The following MICAL2 variants were observed in gnomAD, a reference collection of about 807,000 sequenced individuals.
The protein encoded by MICAL2 is [F-actin]-monooxygenase MICAL2.
Under a neutral mutation model 127.3 loss-of-function variants are expected in MICAL2, and 77 were observed. That is an observed-to-expected ratio of 0.60 (90% confidence interval 0.50 to 0.73). The LOEUF (loss-of-function observed/expected upper bound fraction) is 0.73, where lower values mean the gene tolerates loss of function less well. Among genes scored for constraint, MICAL2 ranks in the 30% least tolerant of loss-of-function variants. The probability of loss-of-function intolerance (pLI) is 0.00; values close to 1 mark genes in which losing one functional copy is unlikely to be tolerated. For synonymous variants in MICAL2, 570 were observed against 551.1 expected (o/e 1.03, Z -0.48); for missense variants, 1,351 against 1,434.4 (o/e 0.94, Z 0.94).
At chr11:12,324,128 G>A in intron 31 of MICAL2, 4 of 1,569,572 alleles carry the variant, frequency 2.5e-6, no homozygotes, top group Non-Finnish European at 2.6e-6. Flanking sequence ...CTGGGACTCT[G>A]GATGGGAAAG....
At chr11:12,269,002 GA>G (rs1235292304) in intron 24 of MICAL2, among the ~76,000 whole-genome samples, 53 of 146,168 alleles carry the variant, frequency 3.6e-4, no homozygotes, top group Middle Eastern at 3.5e-3. Flanking sequence ...CGTCTCAAAG[GA>G]AAAAAAAAAA....
At chr11:12,326,579 C>T (rs1368901576) in intron 31 of MICAL2, among the ~76,000 whole-genome samples, 1 of 152,104 alleles carries the variant, frequency 6.6e-6, no homozygotes, top group Admixed American at 6.6e-5. Flanking sequence ...AGTACACTTC[C>T]ACAATGAAAG....
chr11:12,204,594 T>A, intron 4 of MICAL2, 137 bp downstream of exon 4: 2 of 814,898 alleles, frequency 2.5e-6, no homozygotes, highest in Non-Finnish European at 3.8e-6. Context: ...AACAGACAAC[T>A]AGTAAAAGGC....
At chr11:12,242,817 A>G (rs775309208) in intron 20 of MICAL2, 45 bp downstream of exon 20, 2 of 1,437,376 alleles carry the variant, frequency 1.4e-6, no homozygotes, top group Non-Finnish European at 1.9e-6. Context: ...GATGCTGGAC[A>G]TCCAGCCAGG....
chr11:12,305,328 G>A (rs182113332), intron 29 of MICAL2, among the ~76,000 whole-genome samples: 10 of 152,194 alleles, frequency 6.6e-5, no homozygotes, highest in South Asian at 2.1e-4. Context: ...ATCATATCTC[G>A]TGAGAATTCA....
intron 17 of MICAL2, among the ~76,000 whole-genome samples, chr11:12,240,645 C>A (rs1480599636): frequency 6.6e-6 from 1 of 152,188 alleles, no homozygotes; most frequent in Non-Finnish European, 1.5e-5. Context: ...TCAGAAGCAC[C>A]GGAGCGTCCC....
chr11:12,232,077 G>T (rs2134384197), intron 15 of MICAL2, among the ~76,000 whole-genome samples: 1 of 152,360 alleles, frequency 6.6e-6, no homozygotes, highest in African/African-American at 2.4e-5. Context: ...TCAAATGCGT[G>T]TGGCAGGTCT....
downstream of MICAL2, among the ~76,000 whole-genome samples, chr11:12,290,993 C>T (rs758639227): frequency 1.1e-4 from 16 of 152,102 alleles, no homozygotes; most frequent in Non-Finnish European, 1.3e-4. Context: ...GATTGTGTTG[C>T]GCTAAGAAGT....
intron 15 of MICAL2, among the ~76,000 whole-genome samples, chr11:12,230,512 A>G (rs1406026591): frequency 6.6e-6 from 1 of 152,174 alleles, no homozygotes; most frequent in East Asian, 1.9e-4. Flanking sequence ...ATACAGGTGC[A>G]TCCGTATTTG....
At chr11:12,300,967 A>G (rs1864039656) in intron 29 of MICAL2, among the ~76,000 whole-genome samples, 1 of 152,222 alleles carries the variant, frequency 6.6e-6, no homozygotes, top group Admixed American at 6.5e-5. Context: ...GCTGATAAAG[A>G]CATACTCGAG....
chr11:12,357,042 C>T (rs1939140142), intron 34 of MICAL2, among the ~76,000 whole-genome samples: 1 of 152,206 alleles, frequency 6.6e-6, no homozygotes, highest in African/African-American at 2.4e-5. Flanking sequence ...TAACCCTCTG[C>T]CCCTCCTGCC....
chr11:12,238,062 A>G (rs780099727), intron 16 of MICAL2, among the ~76,000 whole-genome samples: 9 of 152,292 alleles, frequency 5.9e-5, no homozygotes, highest in Non-Finnish European at 8.8e-5. Context: ...TCTACATACA[A>G]GGTTCCCCAT....
chr11:12,346,361 A>G (rs370911083), intron 32 of MICAL2, among the ~76,000 whole-genome samples: 2 of 152,330 alleles, frequency 1.3e-5, no homozygotes, highest in African/African-American at 4.8e-5. Context: ...CTGCAGCTGC[A>G]TGGCAGATAG....
chr11:12,349,972 A>G (rs2134898922), intron 33 of MICAL2: 1 of 1,585,378 alleles, frequency 6.3e-7, no homozygotes, highest in African/African-American at 1.3e-5. Context: ...GCGAGTCCTA[A>G]AAGCAAAGGG....
chr11:12,203,380 A>C (rs892607636), intron 3 of MICAL2, among the ~76,000 whole-genome samples: 28 of 152,232 alleles, frequency 1.8e-4, no homozygotes, highest in Non-Finnish European at 3.4e-4. Context: ...TTTTCCCACC[A>C]GCAATGTATG....
intron 1 of MICAL2, among the ~76,000 whole-genome samples, chr11:12,277,246 G>A (rs1863731339): frequency 6.6e-6 from 1 of 151,988 alleles, no homozygotes; most frequent in African/African-American, 2.4e-5. Context: ...GTCCAGGCTT[G>A]TTAAGAGAAA....
chr11:12,170,385 G>A (rs1856092364), intron 3 of MICAL2, among the ~76,000 whole-genome samples: 1 of 152,124 alleles, frequency 6.6e-6, no homozygotes, highest in Non-Finnish European at 1.5e-5. Context: ...GGGAGGTCAA[G>A]GCAGCAATAA....
intron 6 of MICAL2, among the ~76,000 whole-genome samples, chr11:12,210,092 T>C (rs1461025888): frequency 6.6e-6 from 1 of 152,196 alleles, no homozygotes; most frequent in Non-Finnish European, 1.5e-5. Flanking sequence ...TCACCTCTTT[T>C]TGTAACTTTT....
At chr11:12,166,959 G>C (rs1160855809) in intron 3 of MICAL2, among the ~76,000 whole-genome samples, 1 of 152,118 alleles carries the variant, frequency 6.6e-6, no homozygotes, top group South Asian at 2.1e-4. Flanking sequence ...TGTGGGGTGC[G>C]GGGAAAGGGT....
Sources: allele counts gnomAD v4.1 joint callset (sites outside exome capture counted in the v4.1 genomes callset), GRCh38; gene constraint gnomAD v4.1.1; transcripts MANE v1.5; gene names NCBI Gene and HGNC (gene_info 2026-07-23, HGNC 2026-07-21).